TUSC3: variants seen among roughly 807,000 people sequenced by gnomAD.
The protein encoded by TUSC3 is tumor suppressor candidate 3.
A neutral mutation model predicts 44.8 loss-of-function variants in TUSC3; 45 were observed. The observed-to-expected ratio is 1.00, with a 90% CI of 0.79 to 1.29. The LOEUF is 1.29. Ranked by LOEUF, TUSC3 falls within the 50% of genes most tolerant of loss-of-function variation. TUSC3 has a pLI of 0.00. For missense variants in TUSC3, 519 were observed against 437.9 expected, an observed-to-expected ratio of 1.19 and a Z score of -1.65; for synonymous variants, 212 against 152.9, an observed-to-expected ratio of 1.39 and a Z score of -2.85.
the TUSC3 span, among the ~76,000 whole-genome samples, chr8:15,838,605 A>G: frequency 3.0e-4 from 45 of 152,278 alleles, no homozygotes; most frequent in African/African-American, 1.0e-3. Flanking sequence ...ACCATTTATT[A>G]AATAGGGAAT....
At chr8:15,824,483 G>A in the TUSC3 span, among the ~76,000 whole-genome samples, 1 of 149,332 alleles carries the variant, frequency 6.7e-6, no homozygotes, top group Non-Finnish European at 1.5e-5. Flanking sequence ...CATTTTTTAT[G>A]GCTGCTCAGC....
chr8:15,554,438 G>A (rs1802166547), intron 1 of TUSC3, among the ~76,000 whole-genome samples: 1 of 151,408 alleles, frequency 6.6e-6, no homozygotes, highest in African/African-American at 2.4e-5. Context: ...ATCAGCCAGG[G>A]TCTCTGAATG....
At chr8:15,557,017 C>A (rs1802293876) in intron 1 of TUSC3, among the ~76,000 whole-genome samples, 1 of 141,298 alleles carries the variant, frequency 7.1e-6, no homozygotes, top group Non-Finnish European at 1.5e-5. Flanking sequence ...AATTAGATCC[C>A]ATTTGTCAAT....
chr8:15,581,767 TTTTG>T (rs894781443), intron 1 of TUSC3, among the ~76,000 whole-genome samples: 3 of 138,680 alleles, frequency 2.2e-5, no homozygotes, highest in African/African-American at 8.3e-5. Flanking sequence ...ACTGCTGTCT[TTTTG>T]TTTGTCTGTG....
At chr8:15,746,694 TA>T in intron 8 of TUSC3, among the ~76,000 whole-genome samples, 1 of 152,010 alleles carries the variant, frequency 6.6e-6, no homozygotes, top group South Asian at 2.1e-4. Flanking sequence ...ATGGGGCTAC[TA>T]AAAAGGAGCA....
intron 1 of TUSC3, among the ~76,000 whole-genome samples, chr8:15,470,686 T>C (rs1020908139): frequency 5.3e-5 from 8 of 152,166 alleles, no homozygotes; most frequent in African/African-American, 1.9e-4. Flanking sequence ...TTAAAACAGA[T>C]GAGAAAAACA....
intron 1 of TUSC3, among the ~76,000 whole-genome samples, chr8:15,438,797 G>A (rs1395086782): frequency 1.3e-5 from 2 of 152,182 alleles, no homozygotes; most frequent in Admixed American, 1.3e-4. Flanking sequence ...AATCCTAGGA[G>A]CTAGGCAGAG....
At chr8:15,641,125 C>T (rs997856765) in intron 2 of TUSC3, among the ~76,000 whole-genome samples, 6 of 151,948 alleles carry the variant, frequency 3.9e-5, no homozygotes, top group African/African-American at 1.5e-4. Flanking sequence ...CTTTGGGAGG[C>T]CGAGGTGGGC....
chr8:15,847,207 C>G, the TUSC3 span, among the ~76,000 whole-genome samples: 1 of 152,076 alleles, frequency 6.6e-6, no homozygotes, highest in Non-Finnish European at 1.5e-5. Flanking sequence ...GGTTGTAGCA[C>G]ATATGTGAGG....
In TUSC3 at chr8:15,552,646, A is replaced by G. The variant is rs531308623; in HGVS notation, c.138+12078A>G. Among the ~76,000 whole-genome samples, 286 of 151,826 alleles carry G rather than the reference A, an allele frequency of 1.9e-3. 3 individuals carry two copies. Among genetic ancestry groups the G allele is most frequent in the African/African-American group, 6.7e-3 (277 of 41,532 alleles). ...TGGTATGGCTAAGTTTAGAATACAC[A>G]GGGTGGGGGAATAGTGGATTGAGGC... On this transcript the variant is annotated intron_variant, in intron 1 of 10. Coordinates refer to ENST00000503731, the MANE Select transcript of TUSC3 (RefSeq NM_006765.4).
intron 2 of TUSC3, among the ~76,000 whole-genome samples, chr8:15,502,281 T>G (rs566432129): frequency 6.6e-6 from 1 of 152,342 alleles, no homozygotes; most frequent in Admixed American, 6.5e-5. Flanking sequence ...TTTTCCCAAA[T>G]GCCCAATTAA....
intron 1 of TUSC3, among the ~76,000 whole-genome samples, chr8:15,576,387 G>C (rs561857300): frequency 6.9e-6 from 1 of 145,802 alleles, no homozygotes; most frequent in African/African-American, 2.5e-5. Flanking sequence ...GTATACATGT[G>C]CCATGCTGGT....
intron 6 of TUSC3, among the ~76,000 whole-genome samples, chr8:15,675,631 C>T (rs1835138): frequency 0.28 from 42,728 of 151,866 alleles, 6,196 homozygotes; most frequent in African/African-American, 0.3. Context: ...GCAGTGTCTG[C>T]TCCCATCTTT....
At chr8:15,540,790 G>T (rs1440478613) in intron 1 of TUSC3, among the ~76,000 whole-genome samples, 1 of 152,306 alleles carries the variant, frequency 6.6e-6, no homozygotes, top group South Asian at 2.1e-4. Flanking sequence ...GTTCTTGACT[G>T]CTTCTGAGCA....
intron 4 of TUSC3, among the ~76,000 whole-genome samples, chr8:15,659,913 A>G (rs1807343201): frequency 6.6e-6 from 1 of 152,094 alleles, no homozygotes; most frequent in Admixed American, 6.6e-5. Context: ...AAAACGTTTA[A>G]AACGTTTCAG....
At chr8:15,796,944 A>T in the TUSC3 span, among the ~76,000 whole-genome samples, 1 of 152,190 alleles carries the variant, frequency 6.6e-6, no homozygotes, top group Non-Finnish European at 1.5e-5. Context: ...AAGCTGCTTT[A>T]TAAAGGGCGT....
Position 15,730,680 on chromosome 8 carries a change from G to T in TUSC3, c.813G>T (p.Gly271=). 1.2e-6 allele frequency: 2 copies of T among 1,613,050 alleles called. No individual in the cohort carries two copies. Among genetic ancestry groups the T allele is most frequent in the Non-Finnish European group, 8.5e-7 (1 of 1,179,382 alleles). The change falls in exon 7 of 11, where the codon GGG becomes GGT. Residue 271 remains glycine, a synonymous_variant. Transcript: ENST00000503731. ...TTCTTTTATAGAGCTACATTCATGG[G>T]AGCAGCCAGGCTCAGTTTGTGGCAG... ...PHNGQVSYIH[G]SSQAQFVAES...
the TUSC3 span, among the ~76,000 whole-genome samples, chr8:15,801,204 G>A: frequency 5.3e-5 from 8 of 152,266 alleles, no homozygotes; most frequent in Non-Finnish European, 7.3e-5. Context: ...GGTGGATTAC[G>A]CACGCCTCTC....
intron 1 of TUSC3, among the ~76,000 whole-genome samples, chr8:15,439,467 G>A (rs1042158682): frequency 6.6e-6 from 1 of 152,196 alleles, no homozygotes; most frequent in African/African-American, 2.4e-5. Context: ...TGAGATGGGA[G>A]GATCACTTGA....
Sources: gnomAD v4.1 joint callset for allele counts (sites outside exome capture counted in the v4.1 genomes callset) on GRCh38, gnomAD v4.1.1 for gene constraint, MANE v1.5 for transcripts, NCBI Gene and HGNC (gene_info 2026-07-23, HGNC 2026-07-21) for gene names.